Variants in TNK2 observed in about 807,000 individuals in gnomAD.
TNK2 encodes activated CDC42 kinase 1.
In TNK2, 83 loss-of-function variants were observed where a neutral mutation model predicts 101.8. That is an observed-to-expected ratio of 0.82 (90% CI 0.68 to 0.98). The LOEUF (loss-of-function observed/expected upper bound fraction) is 0.98. TNK2 is among the 50% of genes least tolerant of loss of function. The pLI is 0.00. For missense variants in TNK2, 1,665 were observed against 1,483.2 expected (o/e 1.12, Z -2.01); for synonymous variants, 804 against 633.0 (o/e 1.27, Z -4.06).
rs756836177 is a variant in TNK2 at position 195,869,560 on chromosome 3, G to A, written c.1544-19C>T. 1.8e-4 allele frequency: 277 copies of A among 1,551,130 alleles called. No homozygotes were observed. The highest frequency in any genetic ancestry group is 2.2e-4 in the Non-Finnish European group (254 of 1,146,934). On this transcript the variant is annotated intron_variant, in intron 11 of 15. Coordinates refer to ENST00000672887, the MANE Select transcript of TNK2 (RefSeq NM_001382273.1). The stretch of plus-strand genomic sequence containing the variant: ...GGCTCCCCTGCAAGAAAGGCCATGC[G>A]GACAGGGGGAGAGAGACGGAGCAGG...
chr3:195,867,284 T>C lies in TNK2; in HGVS notation c.2938-20A>G. ...CTGCAGCTGGGCACACCCACCCCTGTCAGCACCACTAGGGCCCACTGCTCC... is the reference window on the plus strand; with the variant it reads ...CTGCAGCTGGGCACACCCACCCCTGCCAGCACCACTAGGGCCCACTGCTCC... On this transcript the variant is annotated intron_variant, in intron 13 of 15. Coordinates refer to ENST00000672887, the MANE Select transcript of TNK2 (RefSeq NM_001382273.1). 6.2e-7 allele frequency: 1 copy of C among 1,605,452 alleles called. No individual in the cohort carries two copies. The highest frequency in any genetic ancestry group is 1.1e-5 in the South Asian group (1 of 90,440).
In TNK2 at chr3:195,867,344, C is replaced by G. The variant is rs754379756; in HGVS notation, c.2937+17G>C. ...GGGCCCTGCCCCGCTTCGCCCACAG[C>G]CAGGCTGGGTGCTCACCATCTGGAT... On this transcript the variant is annotated intron_variant, in intron 13 of 15. Coordinates refer to ENST00000672887, the MANE Select transcript of TNK2 (RefSeq NM_001382273.1). 4 of 1,607,904 alleles carry G rather than the reference C, an allele frequency of 2.5e-6. No individual in the cohort carries two copies. The Admixed American group carries it at 5.1e-5, about 20-fold the overall frequency.
chr3:195,881,403 G>A (rs1289265120), intron 6 of TNK2, among the ~76,000 whole-genome samples: 17 of 43,224 alleles, frequency 3.9e-4, no homozygotes, highest in Admixed American at 2.0e-3. Context: ...GTGCCCCTTG[G>A]AGAGGACACA....
intron 9 of TNK2, chr3:195,872,906 A>C: frequency 5.8e-6 from 1 of 173,370 alleles, no homozygotes; most frequent in South Asian, 1.4e-4. Flanking sequence ...TGGCCACTTG[A>C]TTTCACTCCT....
rs2550284 is a variant in TNK2 at position 195,888,753 on chromosome 3, A to G, written c.-18-147T>C. On this transcript the variant is annotated intron_variant, in intron 1 of 15. Coordinates refer to ENST00000672887, the MANE Select transcript of TNK2 (RefSeq NM_001382273.1). This position sits in a 1 kb window ranked among gnomAD's most constrained non-coding sequence, Gnocchi z 5.3. ...TGACTCCCGAGGGAAGCTACCGAGA[A>G]CCGCCTGGACCCACGTCCCCTATTC... The G allele has an allele frequency of 9.4e-6, 7 of 743,252 alleles. No individual in the cohort carries two copies. The highest frequency in any genetic ancestry group is 1.5e-5 in the Non-Finnish European group (7 of 472,554). The allele number at this position is 743,252 out of a possible 1,614,324, so 46.0% of individuals were successfully genotyped here. A position where few individuals can be genotyped will look rare whatever the true frequency, so the allele number is the denominator to read the frequency against.
intron 1 of TNK2, among the ~76,000 whole-genome samples, chr3:195,893,648 C>A (rs1430717329): frequency 5.9e-5 from 9 of 152,002 alleles, no homozygotes; most frequent in Non-Finnish European, 1.2e-4. Context: ...ACCCCCCTCG[C>A]TACGGCCCCC....
At chr3:195,895,908 C>G (rs1225777439) in intron 1 of TNK2, 1 of 156,564 alleles carries the variant, frequency 6.4e-6, no homozygotes. Flanking sequence ...CCCCGCAGCT[C>G]GGCCCTGCGC....
intron 9 of TNK2, among the ~76,000 whole-genome samples, chr3:195,875,966 A>T (rs1402030265): frequency 6.6e-6 from 1 of 152,134 alleles, no homozygotes; most frequent in Non-Finnish European, 1.5e-5. Context: ...CTAATGCCGG[A>T]CATTCTGTTC....
chr3:195,876,589 C>G (rs933240539), intron 9 of TNK2: 2 of 456,256 alleles, frequency 4.4e-6, no homozygotes, highest in East Asian at 1.4e-4. Flanking sequence ...GCTGTTGTGG[C>G]CTCCTGCCCC....
chr3:195,895,297 C>G, intron 1 of TNK2: 2 of 1,574,022 alleles, frequency 1.3e-6, no homozygotes, highest in Non-Finnish European at 1.7e-6. Flanking sequence ...ATCTCTCCCC[C>G]ATGGAGCCCC....
Position 195,878,256 on chromosome 3 carries a change from C to T in TNK2, c.1253G>A (p.Gly418Glu). The change falls in exon 9 of 16, where the codon GGA becomes GAA. Residue 418 changes from glycine to glutamate, a missense_variant. Gly to Glu is a moderately conservative substitution (Grantham distance 98). Around this residue, in one of 3 missense-constraint regions of TNK2, gnomAD observed 39 missense variants for 65.8 expected, o/e 0.59. Coordinates refer to ENST00000672887, the MANE Select transcript of TNK2 (RefSeq NM_001382273.1). The surrounding 1 kb of genome is among the most constrained non-coding windows in gnomAD (Gnocchi z 4.7). ...QMNDVITVIE[G>E]RAENYWWRGQ... ...GGCCCAGCCCTGCACTCCCTACCTT[C>T]CCTCGATGACGGTGATGACATCATT... 6.2e-7 allele frequency: 1 copy of T among 1,614,136 alleles called. No homozygotes were observed. Among genetic ancestry groups the T allele is most frequent in the Non-Finnish European group, 8.5e-7 (1 of 1,180,028 alleles).
rs758255515 is a variant in TNK2, at chr3:195,879,139, G to A, written c.924C>T (p.Ser308=). 4 of 1,613,844 alleles carry A rather than the reference G, an allele frequency of 2.5e-6. No individual in the cohort carries two copies. Among genetic ancestry groups the A allele is most frequent in the South Asian group, 1.1e-5 (1 of 91,086 alleles). The change falls in exon 7 of 16, where the codon TCC becomes TCT. Residue 308 remains serine (S), a synonymous_variant. Coordinates refer to ENST00000672887, the MANE Select transcript of TNK2 (RefSeq NM_001382273.1). ...APESLKTRTF[S]HASDTWMFGV... is the part of the protein sequence containing the mutation. Reference sequence around the variant, plus strand: ...CGAACATCCAGGTGTCGCTGGCATGGGAGAAGGTGCGTGTCTTCAGGCTCT... The same window carrying A: ...CGAACATCCAGGTGTCGCTGGCATGAGAGAAGGTGCGTGTCTTCAGGCTCT...
intron 11 of TNK2, 61 bp from the exon 12 acceptor site, chr3:195,869,602 G>T: frequency 6.7e-7 from 1 of 1,500,738 alleles, no homozygotes; most frequent in African/African-American, 1.4e-5. Context: ...GACAAAGGAG[G>T]GAGACGGCCG....
intron 9 of TNK2, among the ~76,000 whole-genome samples, chr3:195,875,603 C>T (rs1040634705): frequency 6.6e-6 from 1 of 152,194 alleles, no homozygotes; most frequent in Admixed American, 6.5e-5. Flanking sequence ...GAGGCACCAG[C>T]AGTCCAGAGG....
At chr3:195,875,572 C>T (rs1000157355) in intron 9 of TNK2, among the ~76,000 whole-genome samples, 3 of 152,158 alleles carry the variant, frequency 2.0e-5, no homozygotes, top group African/African-American at 4.8e-5. Context: ...CACACGCACC[C>T]GTGTGAGGCT....
chr3:195,904,262 TAAA>T (rs35186478), intron 1 of TNK2, among the ~76,000 whole-genome samples: 9 of 125,274 alleles, frequency 7.2e-5, no homozygotes, highest in Non-Finnish European at 8.5e-5. Context: ...ACCTTGTCTT[TAAA>T]AAAAAAAAAA....
Position 195,888,674 on chromosome 3 carries a change from T to A in TNK2, c.-18-68A>T. ...ACAACAGGGGCCTGCCCGAGTGACCTGGGCTCACCTTCATCCCACTACACG... is the reference window on the plus strand; with the variant it reads ...ACAACAGGGGCCTGCCCGAGTGACCAGGGCTCACCTTCATCCCACTACACG... On this transcript the variant is annotated intron_variant, in intron 1 of 15. Coordinates refer to ENST00000672887, the MANE Select transcript of TNK2 (RefSeq NM_001382273.1). This position sits in a 1 kb window ranked among gnomAD's most constrained non-coding sequence, Gnocchi z 5.3. 1 of 1,433,854 alleles carries A rather than the reference T, an allele frequency of 7.0e-7. No individual in the cohort carries two copies. The highest frequency in any genetic ancestry group is 2.4e-5 in the East Asian group (1 of 41,068). The allele number at this position is 1,433,854 out of a possible 1,614,324, so 88.8% of individuals were successfully genotyped here. A position where few individuals can be genotyped will look rare whatever the true frequency, so the allele number is the denominator to read the frequency against.
chr3:195,879,392 G>A, intron 6 of TNK2: 1 of 540,406 alleles, frequency 1.9e-6, no homozygotes. Context: ...TTATTCACTT[G>A]CAGCCTGGTG....
intron 1 of TNK2, among the ~76,000 whole-genome samples, chr3:195,898,591 T>A (rs1188412785): frequency 6.6e-6 from 1 of 151,800 alleles, no homozygotes; most frequent in Non-Finnish European, 1.5e-5. Flanking sequence ...CCAAGCCAAG[T>A]GTTTGCCCTT....
Sources: allele counts gnomAD v4.1 joint callset (sites outside exome capture counted in the v4.1 genomes callset), GRCh38; gene constraint gnomAD v4.1.1; regional missense constraint gnomAD v4.1.1; non-coding constraint Gnocchi (gnomAD v3.1); transcripts MANE v1.5; gene names NCBI Gene and HGNC (gene_info 2026-07-23, HGNC 2026-07-21).